Variants in SH3BP4 observed in about 807,000 individuals in gnomAD.
SH3BP4 encodes SH3 domain-binding protein 4.
SH3BP4 carries 33 observed loss-of-function variants against 65.5 expected under a neutral mutation model. That is an observed-to-expected ratio of 0.50 (90% CI 0.38 to 0.67). The LOEUF (loss-of-function observed/expected upper bound fraction) is 0.67, where lower values mean the gene tolerates loss of function less well. SH3BP4 is among the 30% of genes least tolerant of loss of function. The probability of loss-of-function intolerance (pLI) is 0.00; values close to 1 mark genes in which losing one functional copy is unlikely to be tolerated. For synonymous variants in SH3BP4, 552 were observed against 545.5 expected (o/e 1.01, Z -0.17); for missense variants, 1,134 against 1,261.4 (o/e 0.90, Z 1.53).
At chr2:235,023,988 G>A (rs1694920591) in intron 2 of SH3BP4, among the ~76,000 whole-genome samples, 1 of 152,152 alleles carries the variant, frequency 6.6e-6, no homozygotes, top group Admixed American at 6.5e-5. Flanking sequence ...GAGGGGAGGA[G>A]GGACAGGAAT....
intron 4 of SH3BP4, among the ~76,000 whole-genome samples, chr2:235,044,342 G>A (rs1334378212): frequency 1.3e-5 from 2 of 152,252 alleles, no homozygotes; most frequent in Non-Finnish European, 2.9e-5. Context: ...CGCTTTCTTA[G>A]CACTGCTCCC....
chr2:235,003,388 AG>A (rs1694192403), intron 2 of SH3BP4, among the ~76,000 whole-genome samples: 1 of 152,250 alleles, frequency 6.6e-6, no homozygotes, highest in Non-Finnish European at 1.5e-5. Context: ...ACAGGAAAAA[AG>A]GGGATACTTT....
chr2:234,974,372 T>A lies in SH3BP4; in HGVS notation c.-206-20931T>A, dbSNP rs891085633. 2.2e-5 allele frequency among the ~76,000 whole-genome samples: 3 copies of A among 134,762 alleles called. No homozygotes were observed. The highest frequency in any genetic ancestry group is 3.3e-5 in the Non-Finnish European group (2 of 61,220). The allele number at this position is 134,762 out of a possible 152,430, so 88.4% of individuals were successfully genotyped here. Reference sequence around the variant, plus strand: ...GAGCGAAACTCTGTCTAAAAAAAAATAAATAAATAAAAGAGAAAGAGAGAT... The same window carrying A: ...GAGCGAAACTCTGTCTAAAAAAAAAAAAATAAATAAAAGAGAAAGAGAGAT... On this transcript the variant is annotated intron_variant, in intron 1 of 5. Transcript: ENST00000392011. The surrounding 1 kb of genome is among the most constrained non-coding windows in gnomAD (Gnocchi z 4.6).
intron 2 of SH3BP4, among the ~76,000 whole-genome samples, chr2:235,003,302 A>G (rs1694189742): frequency 6.6e-6 from 1 of 152,200 alleles, no homozygotes; most frequent in Non-Finnish European, 1.5e-5. Flanking sequence ...CCTAGCTCTC[A>G]AACACCAGAT....
At chr2:235,048,409 C>T (rs1695944866) in intron 4 of SH3BP4, among the ~76,000 whole-genome samples, 2 of 152,136 alleles carry the variant, frequency 1.3e-5, no homozygotes, top group South Asian at 4.1e-4. Flanking sequence ...CAGCTCACTG[C>T]AGCCTCGAAC....
intron 1 of SH3BP4, among the ~76,000 whole-genome samples, chr2:234,962,269 T>TGGG (rs1692731594): frequency 6.6e-6 from 1 of 151,992 alleles, no homozygotes; most frequent in Non-Finnish European, 1.5e-5. Flanking sequence ...CCCTAGTAGC[T>TGGG]GGGATTAGAG....
Position 234,974,331 on chromosome 2 carries a change from C to T in SH3BP4, c.-206-20972C>T, listed in dbSNP as rs1197848612. 1.3e-5 allele frequency among the ~76,000 whole-genome samples: 2 copies of T among 152,090 alleles called. No homozygotes were observed. The highest frequency in any genetic ancestry group is 2.4e-5 in the African/African-American group (1 of 41,426). On this transcript the variant is annotated intron_variant, in intron 1 of 5. Transcript: ENST00000392011. The surrounding 1 kb of genome is among the most constrained non-coding windows in gnomAD (Gnocchi z 4.6). ...AGTGAGCCAAGATCGCACTATTGCA[C>T]TCCAGCCTGGGCAAAGAGCGAAACT...
chr2:235,038,057 G>T (rs892012901), intron 3 of SH3BP4, among the ~76,000 whole-genome samples: 1 of 150,410 alleles, frequency 6.6e-6, no homozygotes. Context: ...CCCGCTACGC[G>T]CCAGGCCTTG....
At chr2:235,044,022 G>T (rs1392186134) in intron 4 of SH3BP4, among the ~76,000 whole-genome samples, 1 of 152,248 alleles carries the variant, frequency 6.6e-6, no homozygotes, top group East Asian at 1.9e-4. Flanking sequence ...ATTCAGTTTA[G>T]ATCTCTTGGG....
rs945837373 is a variant in SH3BP4, at chr2:235,033,578, G to A, written c.-132-1293G>A. ...CGCCTCCCTTGAGCCACTATCCGCCGGTCACTGGGAGCTGGGATTGCAGCT... is the reference window on the plus strand; with the variant it reads ...CGCCTCCCTTGAGCCACTATCCGCCAGTCACTGGGAGCTGGGATTGCAGCT... On this transcript the variant is annotated intron_variant, in intron 2 of 5. Coordinates refer to ENST00000392011, the MANE Select transcript of SH3BP4 (RefSeq NM_014521.3). This position sits in a 1 kb window ranked among gnomAD's most constrained non-coding sequence, Gnocchi z 5.7. 3.3e-5 allele frequency among the ~76,000 whole-genome samples: 5 copies of A among 152,336 alleles called. No individual in the cohort carries two copies. The highest frequency in any genetic ancestry group is 4.4e-5 in the Non-Finnish European group (3 of 68,028).
chr2:235,019,015 G>A (rs186067677), intron 2 of SH3BP4, among the ~76,000 whole-genome samples: 126 of 152,350 alleles, frequency 8.3e-4, no homozygotes, highest in African/African-American at 2.7e-3. Flanking sequence ...AGCAGTGCTT[G>A]CCTGCCAGAG....
intron 1 of SH3BP4, among the ~76,000 whole-genome samples, chr2:234,983,849 C>G (rs78348234): frequency 1.3e-5 from 2 of 152,338 alleles, no homozygotes; most frequent in South Asian, 4.1e-4. Flanking sequence ...AAGCAGCTCA[C>G]CCCCTCGGAG....
Position 234,969,750 on chromosome 2 carries a change from AAGCATGTGT to A in SH3BP4, c.-207+17581_-207+17589del, listed in dbSNP as rs1384712463. 5.3e-5 allele frequency among the ~76,000 whole-genome samples: 8 copies of A among 152,218 alleles called. No individual in the cohort carries two copies. In the East Asian group the frequency reaches 1.5e-3, roughly 29 times the overall value. On this transcript the variant is annotated intron_variant, in intron 1 of 5. Transcript: ENST00000392011. The stretch of plus-strand genomic sequence containing the variant: ...AGGATGCCTGTGGGTCCTCTCAGGG[AAGCATGTGT>A]GTACCCCAGCCTTTCCCTTACTGCC...
chr2:235,018,101 C>G (rs1209806850), intron 2 of SH3BP4, among the ~76,000 whole-genome samples: 1 of 152,142 alleles, frequency 6.6e-6, no homozygotes, highest in Non-Finnish European at 1.5e-5. Flanking sequence ...GTTCAAGGGT[C>G]TAAGTGGCTT....
chr2:234,973,781 G>A (rs1003695765), intron 1 of SH3BP4, among the ~76,000 whole-genome samples: 14 of 152,012 alleles, frequency 9.2e-5, no homozygotes, highest in Admixed American at 3.3e-4. Context: ...GCCCACAGGC[G>A]TGTGCTACCA....
intron 1 of SH3BP4, among the ~76,000 whole-genome samples, chr2:234,958,341 G>A (rs927941635): frequency 1.3e-5 from 2 of 152,178 alleles, no homozygotes; most frequent in African/African-American, 2.4e-5. Context: ...TTCAACTTCA[G>A]AGCCAGCCAT....
chr2:234,953,844 C>G (rs923390762), intron 1 of SH3BP4, among the ~76,000 whole-genome samples: 5 of 151,984 alleles, frequency 3.3e-5, no homozygotes, highest in African/African-American at 1.2e-4. Flanking sequence ...CCTCGGGACT[C>G]GGCCAAATCC....
At chr2:234,961,349 G>A (rs1325892137) in intron 1 of SH3BP4, among the ~76,000 whole-genome samples, 1 of 152,152 alleles carries the variant, frequency 6.6e-6, no homozygotes. Flanking sequence ...TTGGCTCACT[G>A]AAATCTCCAC....
chr2:234,974,906 G>A lies in SH3BP4; in HGVS notation c.-206-20397G>A, dbSNP rs1035496737. On this transcript the variant is annotated intron_variant, in intron 1 of 5. Transcript: ENST00000392011. This position sits in a 1 kb window ranked among gnomAD's most constrained non-coding sequence, Gnocchi z 4.6. Reference sequence around the variant, plus strand: ...CGCCCTGCCTGCCCCGTTACGTGGCGATTTGTGATGGGGATCATAATAAAA... The same window carrying A: ...CGCCCTGCCTGCCCCGTTACGTGGCAATTTGTGATGGGGATCATAATAAAA... Among the ~76,000 whole-genome samples the A allele has an allele frequency of 2.0e-5, 3 of 152,166 alleles. No individual in the cohort carries two copies. Among genetic ancestry groups the A allele is most frequent in the Admixed American group, 6.5e-5 (1 of 15,286 alleles).
Sources: allele counts gnomAD v4.1 joint callset (sites outside exome capture counted in the v4.1 genomes callset), GRCh38; gene constraint gnomAD v4.1.1; non-coding constraint Gnocchi (gnomAD v3.1); transcripts MANE v1.5; gene names NCBI Gene and HGNC (gene_info 2026-07-23, HGNC 2026-07-21).